Variants in CHN2 observed in about 807,000 individuals in gnomAD.
CHN2 encodes the protein beta-chimaerin.
CHN2 carries 35 observed loss-of-function variants against 56.3 expected under a neutral mutation model. That is an observed-to-expected ratio of 0.62 (90% CI 0.47 to 0.82). CHN2 has a LOEUF of 0.82. CHN2 is among the 40% of genes least tolerant of loss of function. The pLI, the probability that CHN2 is intolerant of heterozygous loss-of-function variation, is 0.00. For missense variants in CHN2, 491 were observed against 580.5 expected, an observed-to-expected ratio of 0.85 and a Z score of 1.58; for synonymous variants, 210 against 212.8, an observed-to-expected ratio of 0.99 and a Z score of 0.12.
Position 29,335,338 on chromosome 7 carries a change from C to G in CHN2, c.50-19287C>G, listed in dbSNP as rs75487869. On this transcript the variant is annotated intron_variant, in intron 1 of 12. Transcript: ENST00000222792. ...ACAGCCCTTGCTGGAGGCTCAGTCT[C>G]TTGATCTCAGACATTACTACTAATT... Among the ~76,000 whole-genome samples the G allele has an allele frequency of 3.3e-3, 510 of 152,324 alleles. 2 individuals carry two copies. The highest frequency in any genetic ancestry group is 0.012 in the African/African-American group (493 of 41,564).
intron 1 of CHN2, among the ~76,000 whole-genome samples, chr7:29,248,576 C>T (rs1477247791): frequency 6.6e-6 from 1 of 152,226 alleles, no homozygotes; most frequent in Non-Finnish European, 1.5e-5. Context: ...CAGTTCTGAT[C>T]GTGTCATCGC....
chr7:29,188,109 T>C (rs2128751004), intron 2 of CHN2, among the ~76,000 whole-genome samples: 1 of 152,334 alleles, frequency 6.6e-6, no homozygotes, highest in East Asian at 1.9e-4. Context: ...ACTTTAATTC[T>C]CACAGATTAC....
Position 29,358,153 on chromosome 7 carries a change from C to T in CHN2, c.88+3490C>T, listed in dbSNP as rs563921863. ...GTAGCTATGTCCTTGTTTTCATTGA[C>T]GTTTTTTTGGCCATAACTTTGACTT... On this transcript the variant is annotated intron_variant, in intron 2 of 12. Transcript: ENST00000222792. Among the ~76,000 whole-genome samples the T allele has an allele frequency of 1.1e-4, 17 of 152,248 alleles. No individual in the cohort carries two copies. The South Asian group carries it at 2.1e-3, about 19-fold the overall frequency.
intron 1 of CHN2, chr7:29,208,683 T>C (rs1040449106): frequency 6.6e-6 from 1 of 152,334 alleles, no homozygotes. Context: ...TTTCTCATGC[T>C]AACACCAACA....
At chr7:29,210,142 G>T (rs1784806026) in intron 1 of CHN2, among the ~76,000 whole-genome samples, 2 of 152,128 alleles carry the variant, frequency 1.3e-5, no homozygotes, top group Non-Finnish European at 2.9e-5. Context: ...AATTTATGGT[G>T]CCTTGGTGGT....
intron 1 of CHN2, among the ~76,000 whole-genome samples, chr7:29,277,089 C>T (rs1791291245): frequency 6.6e-6 from 1 of 152,162 alleles, no homozygotes; most frequent in Non-Finnish European, 1.5e-5. Flanking sequence ...GGACACTCGT[C>T]TTTACACCAG....
chr7:29,410,566 T>A (rs986672135), intron 6 of CHN2, among the ~76,000 whole-genome samples: 1 of 152,178 alleles, frequency 6.6e-6, no homozygotes, highest in African/African-American at 2.4e-5. Flanking sequence ...GAGACTCTTG[T>A]TTGAGGAGTC....
At chr7:29,161,764 A>G (rs893637505) in intron 2 of CHN2, among the ~76,000 whole-genome samples, 1 of 152,228 alleles carries the variant, frequency 6.6e-6, no homozygotes, top group African/African-American at 2.4e-5. Flanking sequence ...CTGGAAGAAA[A>G]TATTTGCAAA....
chr7:29,510,183 A>C (rs1455980674), intron 12 of CHN2, among the ~76,000 whole-genome samples: 1 of 152,148 alleles, frequency 6.6e-6, no homozygotes, highest in African/African-American at 2.4e-5. Flanking sequence ...CCCGAAACTT[A>C]GTGGCTTAAA....
chr7:29,511,481 A>T (rs1384835468), intron 12 of CHN2, among the ~76,000 whole-genome samples: 2 of 152,200 alleles, frequency 1.3e-5, no homozygotes, highest in Non-Finnish European at 2.9e-5. Flanking sequence ...TATCTTTATC[A>T]TAGTGGGTTT....
At chr7:29,479,966 C>T (rs747990046) in intron 6 of CHN2, 2 of 1,455,766 alleles carry the variant, frequency 1.4e-6, no homozygotes, top group South Asian at 1.5e-5. Flanking sequence ...CTGGGCCTTT[C>T]AGGTCACATG....
chr7:29,190,909 G>C (rs969633659), upstream of CHN2, among the ~76,000 whole-genome samples: 5 of 151,416 alleles, frequency 3.3e-5, no homozygotes, highest in African/African-American at 1.2e-4. Context: ...CAGGGGCTGG[G>C]CAAACAAGGA....
chr7:29,242,594 A>G (rs766970437), intron 1 of CHN2, among the ~76,000 whole-genome samples: 3 of 151,860 alleles, frequency 2.0e-5, no homozygotes, highest in Non-Finnish European at 4.4e-5. Flanking sequence ...ATAGAATACC[A>G]TGCCAATGCC....
At chr7:29,264,837 T>A (rs1789993302) in intron 1 of CHN2, among the ~76,000 whole-genome samples, 1 of 148,114 alleles carries the variant, frequency 6.8e-6, no homozygotes, top group African/African-American at 2.5e-5. Context: ...AAAAAAAGAA[T>A]TTAAAAATTA....
intron 11 of CHN2, among the ~76,000 whole-genome samples, chr7:29,508,650 A>AG (rs1486798618): frequency 6.6e-6 from 1 of 152,094 alleles, no homozygotes; most frequent in Non-Finnish European, 1.5e-5. Context: ...GAGGAATAGC[A>AG]GGAGGGTTTT....
chr7:29,292,033 A>G (rs1792674536), intron 1 of CHN2, among the ~76,000 whole-genome samples: 1 of 152,224 alleles, frequency 6.6e-6, no homozygotes, highest in Admixed American at 6.5e-5. Context: ...ATATGTTTAA[A>G]GTAGGCCTTA....
chr7:29,279,765 A>G (rs1791535438), intron 1 of CHN2, among the ~76,000 whole-genome samples: 1 of 152,222 alleles, frequency 6.6e-6, no homozygotes, highest in Non-Finnish European at 1.5e-5. Context: ...GTGCAAGTTG[A>G]ATCTGGAAGA....
intron 7 of CHN2, chr7:29,483,906 T>C: frequency 3.8e-6 from 5 of 1,301,298 alleles, no homozygotes; most frequent in Non-Finnish European, 5.1e-6. Context: ...AGTTCCCTCA[T>C]CTATAAAATG....
At chr7:29,232,802 T>A (rs1380717533) in intron 1 of CHN2, among the ~76,000 whole-genome samples, 2 of 152,214 alleles carry the variant, frequency 1.3e-5, no homozygotes, top group East Asian at 3.8e-4. Flanking sequence ...TTCTAACTGT[T>A]ATTTATACTC....
Sources: gnomAD v4.1 joint callset for allele counts (sites outside exome capture counted in the v4.1 genomes callset) on GRCh38, gnomAD v4.1.1 for gene constraint, MANE v1.5 for transcripts, NCBI Gene and HGNC (gene_info 2026-07-23, HGNC 2026-07-21) for gene names.